MAL2: variants seen among roughly 807,000 people sequenced by gnomAD.
The protein encoded by MAL2 is protein MAL2.
A neutral mutation model predicts 18.1 loss-of-function variants in MAL2; 17 were observed. The ratio of observed to expected loss-of-function variants is 0.94; its 90% CI spans 0.64 to 1.41. The LOEUF (loss-of-function observed/expected upper bound fraction) is 1.41, where lower values mean the gene tolerates loss of function less well. Ranked by LOEUF, MAL2 falls within the 40% of genes most tolerant of loss-of-function variation. MAL2 has a pLI of 0.00. For missense variants in MAL2, 222 were observed against 231.9 expected (o/e 0.96, Z 0.28); for synonymous variants, 102 against 102.3 (o/e 1.00, Z 0.02).
intron 2 of MAL2, chr8:119,223,395 A>G (rs1817509729): frequency 6.6e-6 from 1 of 152,240 alleles, no homozygotes; most frequent in African/African-American, 2.4e-5. Context: ...CCTCTGTAAA[A>G]TGAGAATAAT....
At chr8:119,227,269 T>C (rs1181398397) in intron 2 of MAL2, among the ~76,000 whole-genome samples, 1 of 152,204 alleles carries the variant, frequency 6.6e-6, no homozygotes, top group East Asian at 1.9e-4. Context: ...CTAAGATGGA[T>C]TGAGAAGTAC....
Position 119,221,572 on chromosome 8 carries a change from C to A in MAL2, c.133-15C>A. The A allele has an allele frequency of 6.2e-7, 1 of 1,613,158 alleles. No homozygotes were observed. Among genetic ancestry groups the A allele is most frequent in the Non-Finnish European group, 8.5e-7 (1 of 1,179,536 alleles). On this transcript the variant is annotated splice_polypyrimidine_tract_variant and intron_variant, in intron 1 of 3. Coordinates refer to ENST00000614891, the MANE Select transcript of MAL2 (RefSeq NM_052886.3). ...ATCTTTTAAGCAAACCAATTACCCTCTTTTTCTCTTTCAGCTGTTCGGGGG... is the reference window on the plus strand; with the variant it reads ...ATCTTTTAAGCAAACCAATTACCCTATTTTTCTCTTTCAGCTGTTCGGGGG...
rs1263952880 is a variant in MAL2, at chr8:119,243,530, C to G, written c.*42C>G. ...GCAGTCGTATGTTAGTTTCACTTGT[C>G]TACTTTATATGTCTGATCAATTTGG... is the stretch of plus-strand genomic sequence containing the variant. On this transcript the variant is annotated 3_prime_UTR_variant, in exon 4 of 4. Transcript: ENST00000614891. 1.3e-6 allele frequency: 2 copies of G among 1,520,360 alleles called. No individual in the cohort carries two copies. Among genetic ancestry groups the G allele is most frequent in the South Asian group, 1.2e-5 (1 of 80,800 alleles). 94.2% of individuals were successfully genotyped at this position (1,520,360 alleles called of 1,614,324 possible).
intron 2 of MAL2, among the ~76,000 whole-genome samples, chr8:119,224,993 G>C (rs1393552901): frequency 6.6e-6 from 1 of 151,924 alleles, no homozygotes; most frequent in African/African-American, 2.4e-5. Context: ...GAGGTTCAAA[G>C]TGGTTGTCAT....
At chr8:119,234,336 C>T (rs1004775478) in intron 2 of MAL2, among the ~76,000 whole-genome samples, 12 of 152,170 alleles carry the variant, frequency 7.9e-5, no homozygotes, top group Non-Finnish European at 1.5e-4. Context: ...TGATTACTAG[C>T]ACAGCAGTCT....
In MAL2 at chr8:119,229,631, G is replaced by A. The variant is rs569372257; in HGVS notation, c.303+7874G>A. ...CCAGCTATGGGCCACTTTTCTTTCT[G>A]AGCAAAGTGTGTAACATGCATCATC... On this transcript the variant is annotated intron_variant, in intron 2 of 3. Coordinates refer to ENST00000614891, the MANE Select transcript of MAL2 (RefSeq NM_052886.3). Among the ~76,000 whole-genome samples, 36 of 152,168 alleles carry A rather than the reference G, an allele frequency of 2.4e-4. 1 individual carries two copies. The highest frequency in any genetic ancestry group is 8.4e-4 in the African/African-American group (35 of 41,526).
At chr8:119,236,534 A>G (rs1042452009) in intron 2 of MAL2, among the ~76,000 whole-genome samples, 1 of 151,480 alleles carries the variant, frequency 6.6e-6, no homozygotes, top group Non-Finnish European at 1.5e-5. Context: ...AATTGACCAC[A>G]TAGTTGGAAG....
chr8:119,228,416 A>G (rs1295909256), intron 2 of MAL2, among the ~76,000 whole-genome samples: 4 of 152,118 alleles, frequency 2.6e-5, no homozygotes, highest in African/African-American at 9.7e-5. Context: ...TCTTGCTTTT[A>G]CCCCTAAGTT....
At chr8:119,212,955 C>A (rs539251924) in intron 1 of MAL2, among the ~76,000 whole-genome samples, 1 of 152,230 alleles carries the variant, frequency 6.6e-6, no homozygotes, top group South Asian at 2.1e-4. Flanking sequence ...CAGCTTGTGT[C>A]TTAGAAACCT....
chr8:119,231,602 AT>A (rs1204522589), intron 2 of MAL2, among the ~76,000 whole-genome samples: 9 of 152,332 alleles, frequency 5.9e-5, no homozygotes, highest in Admixed American at 5.9e-4. Flanking sequence ...CTGGGTATAT[AT>A]CCAAAGGAAA....
At chr8:119,239,360 A>G (rs906041920) in intron 2 of MAL2, among the ~76,000 whole-genome samples, 15 of 151,914 alleles carry the variant, frequency 9.9e-5, no homozygotes, top group Non-Finnish European at 1.5e-4. Flanking sequence ...TGTGGAAGTC[A>G]GTGTGGCGAT....
chr8:119,214,204 C>T (rs1038961185), intron 1 of MAL2, among the ~76,000 whole-genome samples: 7 of 152,164 alleles, frequency 4.6e-5, no homozygotes, highest in Non-Finnish European at 1.0e-4. Flanking sequence ...CTTGTTTGTT[C>T]TATAGTACAA....
intron 3 of MAL2, 23 bp downstream of exon 3, chr8:119,240,343 T>C (rs757310153): frequency 3.4e-5 from 54 of 1,607,866 alleles, no homozygotes; most frequent in Middle Eastern, 1.7e-4. Flanking sequence ...ATTCAATGAG[T>C]ACCATTCACC....
chr8:119,221,815 T>C, intron 2 of MAL2, 58 bp downstream of exon 2: 1 of 1,564,100 alleles, frequency 6.4e-7, no homozygotes, highest in Non-Finnish European at 8.7e-7. Context: ...TGTATCCTAT[T>C]CTGTTCTGAA....
chr8:119,230,314 G>A (rs576719113), intron 2 of MAL2, among the ~76,000 whole-genome samples: 1 of 151,846 alleles, frequency 6.6e-6, no homozygotes, highest in Admixed American at 6.6e-5. Context: ...CGAGAAGTGT[G>A]TTGGGAATTA....
rs146820510 is a variant in MAL2 at position 119,232,224 on chromosome 8, T to TAAAATAATTTTTTTTG, written c.304-7936_304-7921dup. Among the ~76,000 whole-genome samples, 1,004 of 152,176 alleles carry TAAAATAATTTTTTTTG rather than the reference T, an allele frequency of 6.6e-3. 12 individuals are homozygous for TAAAATAATTTTTTTTG. Among genetic ancestry groups the TAAAATAATTTTTTTTG allele is most frequent in the African/African-American group, 0.021 (878 of 41,526 alleles). ...ACGATAAATATGTATTTTTCTCAAT[T>TAAAATAATTTTTTTTG]AAAATAATTTTTTTTGAAAACTAAA... On this transcript the variant is annotated intron_variant, in intron 2 of 3. Transcript: ENST00000614891.
intron 2 of MAL2, 82 bp downstream of exon 2, chr8:119,221,839 A>C: frequency 7.0e-7 from 1 of 1,437,828 alleles, no homozygotes; most frequent in Admixed American, 2.0e-5. Flanking sequence ...CCAGAGTCCC[A>C]GTTCTGTTGC....
intron 1 of MAL2, among the ~76,000 whole-genome samples, chr8:119,209,374 A>G (rs1817236456): frequency 6.6e-6 from 1 of 152,108 alleles, no homozygotes; most frequent in Non-Finnish European, 1.5e-5. Context: ...GGCCCAAGTA[A>G]AGGTGGGGTT....
chr8:119,210,071 C>T (rs1817247010), intron 1 of MAL2, among the ~76,000 whole-genome samples: 1 of 152,190 alleles, frequency 6.6e-6, no homozygotes, highest in Non-Finnish European at 1.5e-5. Context: ...GCCATATCCG[C>T]ATTCCACCTG....
Sources: gnomAD v4.1 joint callset for allele counts (sites outside exome capture counted in the v4.1 genomes callset) on GRCh38, gnomAD v4.1.1 for gene constraint, MANE v1.5 for transcripts, NCBI Gene and HGNC (gene_info 2026-07-23, HGNC 2026-07-21) for gene names.